Variants in CSMD3 observed in about 807,000 individuals in gnomAD.
CSMD3 encodes the protein CUB and sushi domain-containing protein 3.
Under a neutral mutation model 435.2 loss-of-function variants are expected in CSMD3, and 177 were observed. That is an observed-to-expected ratio of 0.41 (90% CI 0.36 to 0.46). CSMD3 has a LOEUF of 0.46. Ranked by LOEUF, CSMD3 falls within the 20% of genes least tolerant of loss-of-function variation. The pLI, the probability that CSMD3 is intolerant of heterozygous loss-of-function variation, is 0.34. For missense variants in CSMD3, 4,265 were observed against 4,504.6 expected, an observed-to-expected ratio of 0.95 and a Z score of 1.52; for synonymous variants, 1,656 against 1,520.5, an observed-to-expected ratio of 1.09 and a Z score of -2.07.
chr8:112,719,388 C>T (rs1162510413), intron 13 of CSMD3, among the ~76,000 whole-genome samples: 1 of 152,152 alleles, frequency 6.6e-6, no homozygotes, highest in Non-Finnish European at 1.5e-5. Context: ...TACCCAGTGG[C>T]TTAAACTTAA....
chr8:113,007,326 C>A (rs923485343), intron 6 of CSMD3, among the ~76,000 whole-genome samples: 3 of 151,856 alleles, frequency 2.0e-5, no homozygotes. Context: ...CATACTTAGA[C>A]AAATGACTGT....
At chr8:112,733,250 C>T (rs1156674171) in intron 13 of CSMD3, among the ~76,000 whole-genome samples, 2 of 152,054 alleles carry the variant, frequency 1.3e-5, no homozygotes, top group East Asian at 1.9e-4. Context: ...GGCATAATCA[C>T]CACGCTAGAC....
intron 66 of CSMD3, 109 bp from the exon 67 acceptor site, chr8:112,237,457 A>T: frequency 1.3e-6 from 1 of 786,814 alleles, no homozygotes; most frequent in East Asian, 2.7e-5. Flanking sequence ...AATACACAAT[A>T]ATGTTGAATG....
chr8:113,125,575 A>C (rs2091102523), intron 4 of CSMD3, among the ~76,000 whole-genome samples: 1 of 151,942 alleles, frequency 6.6e-6, no homozygotes, highest in Admixed American at 6.6e-5. Context: ...CAAGAATCTT[A>C]GATATCATAA....
chr8:112,720,934 C>A (rs1466291819), intron 13 of CSMD3, among the ~76,000 whole-genome samples: 1 of 152,118 alleles, frequency 6.6e-6, no homozygotes, highest in East Asian at 1.9e-4. Context: ...TGGAATGTAT[C>A]CTCATCTCCC....
chr8:112,301,226 G>C (rs1399674084), intron 53 of CSMD3, among the ~76,000 whole-genome samples: 1 of 151,878 alleles, frequency 6.6e-6, no homozygotes, highest in African/African-American at 2.4e-5. Context: ...AGGGTAAGAA[G>C]AACGAACTAG....
At chr8:112,420,272 C>T (rs1812335583) in intron 32 of CSMD3, among the ~76,000 whole-genome samples, 1 of 152,136 alleles carries the variant, frequency 6.6e-6, no homozygotes, top group African/African-American at 2.4e-5. Flanking sequence ...CTCTTCCTAT[C>T]CGACCTGTAT....
At chr8:112,443,833 T>G (rs1170504304) in intron 32 of CSMD3, among the ~76,000 whole-genome samples, 2 of 152,066 alleles carry the variant, frequency 1.3e-5, no homozygotes, top group African/African-American at 4.8e-5. Context: ...TTAATTTAAT[T>G]TATTATTAAT....
At chr8:113,387,893 A>G (rs1344665391) in intron 1 of CSMD3, among the ~76,000 whole-genome samples, 1 of 151,696 alleles carries the variant, frequency 6.6e-6, no homozygotes, top group African/African-American at 2.4e-5. Flanking sequence ...TCTCATCTAA[A>G]TACTCTTAAT....
intron 31 of CSMD3, among the ~76,000 whole-genome samples, chr8:112,490,530 T>G (rs1419097376): frequency 6.6e-6 from 1 of 152,172 alleles, no homozygotes; most frequent in Non-Finnish European, 1.5e-5. Flanking sequence ...TTTAGTCTAG[T>G]GTTCCTGACT....
chr8:112,392,165 T>C (rs1415765931), intron 35 of CSMD3, among the ~76,000 whole-genome samples: 2 of 152,274 alleles, frequency 1.3e-5, no homozygotes, highest in African/African-American at 4.8e-5. Context: ...TAGGTCCCAA[T>C]TGTACTGTGC....
intron 53 of CSMD3, 65 bp from the exon 54 acceptor site, chr8:112,296,071 A>C: frequency 7.8e-7 from 1 of 1,288,694 alleles, no homozygotes; most frequent in Non-Finnish European, 1.1e-6. Flanking sequence ...ATTTATATAC[A>C]TGTGGAACAT....
intron 6 of CSMD3, among the ~76,000 whole-genome samples, chr8:113,003,377 T>C (rs1369290700): frequency 6.6e-6 from 1 of 152,148 alleles, no homozygotes; most frequent in Non-Finnish European, 1.5e-5. Context: ...TTTCTCACCC[T>C]ATAAAAATCT....
At chr8:113,130,171 G>T (rs1292401425) in intron 4 of CSMD3, among the ~76,000 whole-genome samples, 1 of 152,002 alleles carries the variant, frequency 6.6e-6, no homozygotes, top group Non-Finnish European at 1.5e-5. Flanking sequence ...AGGTAAATTT[G>T]CACATAATAG....
chr8:112,876,026 A>G (rs1004430882), intron 10 of CSMD3, among the ~76,000 whole-genome samples: 1 of 152,052 alleles, frequency 6.6e-6, no homozygotes, highest in African/African-American at 2.4e-5. Flanking sequence ...ACCTTTTTGC[A>G]TTGGTTTTTC....
At position 113,202,399 on chromosome 8, in the gene CSMD3, A is replaced by G. The variant is rs536277610; in HGVS notation, c.515-28483T>C. Among the ~76,000 whole-genome samples the G allele has an allele frequency of 5.3e-5, 8 of 152,170 alleles. No individual in the cohort carries two copies. The South Asian group carries it at 1.0e-3, about 20-fold the overall frequency. On this transcript the variant is annotated intron_variant, in intron 3 of 70. Transcript: ENST00000297405. Reference sequence around the variant, plus strand: ...CTGAAGAGCCTCTTTTAAAAACTGAATGAGGTTCTATTGTCTTTGTTTACT... The same window carrying G: ...CTGAAGAGCCTCTTTTAAAAACTGAGTGAGGTTCTATTGTCTTTGTTTACT...
At chr8:112,865,885 TAG>T (rs1161980539) in intron 10 of CSMD3, among the ~76,000 whole-genome samples, 4 of 152,132 alleles carry the variant, frequency 2.6e-5, no homozygotes, top group Non-Finnish European at 5.9e-5. Flanking sequence ...TTAAAATACT[TAG>T]AGTCACAACA....
At chr8:113,007,502 C>T (rs1437426792) in intron 6 of CSMD3, among the ~76,000 whole-genome samples, 2 of 151,898 alleles carry the variant, frequency 1.3e-5, no homozygotes, top group South Asian at 2.1e-4. Context: ...CAGCCATCTT[C>T]AAGCCAAAGA....
At chr8:112,910,123 T>C (rs936809530) in intron 10 of CSMD3, among the ~76,000 whole-genome samples, 4 of 151,822 alleles carry the variant, frequency 2.6e-5, no homozygotes, top group Non-Finnish European at 5.9e-5. Context: ...GAGAGAAATA[T>C]ATTAACTGAA....
Sources: allele counts gnomAD v4.1 joint callset (sites outside exome capture counted in the v4.1 genomes callset), GRCh38; gene constraint gnomAD v4.1.1; transcripts MANE v1.5; gene names NCBI Gene and HGNC (gene_info 2026-07-23, HGNC 2026-07-21).